The following RAB3GAP2 variants were observed in gnomAD, a reference collection of about 807,000 sequenced individuals.
RAB3GAP2 encodes RAB3 GTPase activating non-catalytic protein subunit 2.
In RAB3GAP2, 87 loss-of-function variants were observed where a neutral mutation model predicts 185.3. The ratio of observed to expected loss-of-function variants is 0.47; its 90% CI spans 0.39 to 0.56. The LOEUF (loss-of-function observed/expected upper bound fraction) is 0.56. RAB3GAP2 is among the 20% of genes least tolerant of loss of function. The probability of loss-of-function intolerance (pLI) is 0.00; values close to 1 mark genes in which losing one functional copy is unlikely to be tolerated. For synonymous variants in RAB3GAP2, 554 were observed against 576.1 expected, an observed-to-expected ratio of 0.96 and a Z score of 0.55; for missense variants, 1,492 against 1,638.2, an observed-to-expected ratio of 0.91 and a Z score of 1.54.
chr1:220,237,887 A>T (rs1218330255), intron 1 of RAB3GAP2, among the ~76,000 whole-genome samples: 11 of 125,792 alleles, frequency 8.7e-5, no homozygotes, highest in African/African-American at 3.8e-4. Flanking sequence ...TAAAAAGTAA[A>T]AAAAAAAAAA....
At chr1:220,153,535 A>C in intron 32 of RAB3GAP2, 129 bp from the exon 33 acceptor site, 4 of 809,702 alleles carry the variant, frequency 4.9e-6, no homozygotes, top group Non-Finnish European at 8.3e-6. Flanking sequence ...TTATCAAAAA[A>C]GGAACACATC....
chr1:220,154,100 T>C (rs1657813343), intron 31 of RAB3GAP2, 43 bp from the exon 32 acceptor site: 1 of 1,608,516 alleles, frequency 6.2e-7, no homozygotes, highest in East Asian at 2.3e-5. Flanking sequence ...TGTGGATTAT[T>C]AAGGGGGGAG....
intron 2 of RAB3GAP2, among the ~76,000 whole-genome samples, chr1:220,221,672 T>C (rs1254246144): frequency 6.6e-6 from 1 of 152,242 alleles, no homozygotes; most frequent in Non-Finnish European, 1.5e-5. Context: ...CAGAAGCCAC[T>C]AATGTGCATT....
chr1:220,271,449 C>A (rs1401195434), intron 1 of RAB3GAP2, among the ~76,000 whole-genome samples: 1 of 152,112 alleles, frequency 6.6e-6, no homozygotes, highest in Non-Finnish European at 1.5e-5. Context: ...AATAAACCAG[C>A]CTTGGAACTT....
chr1:220,195,316 G>A lies in RAB3GAP2; in HGVS notation c.1022C>T (p.Ala341Val), dbSNP rs201774025. 11 of 1,611,430 alleles carry A rather than the reference G, an allele frequency of 6.8e-6. No individual in the cohort carries two copies. The highest frequency in any genetic ancestry group is 9.3e-6 in the Non-Finnish European group (11 of 1,177,544). ...ALAVASKLTSALFNAASGWLG... is the reference protein window; with the variant it reads ...ALAVASKLTSVLFNAASGWLG... ...TAATTACCTGGCAGCATTAAATAAAGCAGAAGTGAGTTTACTTGCAACTGC... is the reference window on the plus strand; with the variant it reads ...TAATTACCTGGCAGCATTAAATAAAACAGAAGTGAGTTTACTTGCAACTGC... The change falls in exon 11 of 35, where the codon GCT (alanine) becomes GTT (valine). Residue 341 changes from alanine (A) to valine (V), a missense_variant. This residue lies in a region of RAB3GAP2 where 243 missense variants were observed against 314.8 expected (regional missense o/e 0.77). Transcript: ENST00000358951.
chr1:220,157,309 A>G lies in RAB3GAP2; in HGVS notation c.3516T>C (p.Ser1172=), dbSNP rs747639396. ...GTGAAAGTGGCTTCACGGTCTTCAG[A>G]GAAAACCTCATGACTGCATACAAGA... ...CSILYAVMRF[S]LKTVKPLSLF... is the part of the protein sequence containing the mutation. Residue 1172 remains serine (S), a synonymous_variant, in exon 31 of 35, where the codon TCT becomes TCC. Transcript: ENST00000358951. The G allele has an allele frequency of 6.2e-7, 1 of 1,614,004 alleles. No individual in the cohort carries two copies. The highest frequency in any genetic ancestry group is 8.5e-7 in the Non-Finnish European group (1 of 1,180,006).
chr1:220,240,016 C>T (rs1250482884), intron 1 of RAB3GAP2, among the ~76,000 whole-genome samples: 1 of 148,396 alleles, frequency 6.7e-6, no homozygotes, highest in Admixed American at 6.7e-5. Context: ...AAGAACACCA[C>T]ATCATTCTTG....
At chr1:220,206,169 C>G (rs1398853064) in intron 7 of RAB3GAP2, among the ~76,000 whole-genome samples, 163 bp from the exon 8 acceptor site, 2 of 152,036 alleles carry the variant, frequency 1.3e-5, no homozygotes, top group African/African-American at 4.8e-5. Flanking sequence ...TTGAGAGTGC[C>G]TTTTTGCCAA....
chr1:220,153,305 G>A lies in RAB3GAP2; in HGVS notation c.3747C>T (p.Asp1249=). 1 of 1,614,162 alleles carries A rather than the reference G, an allele frequency of 6.2e-7. No individual in the cohort carries two copies. The highest frequency in any genetic ancestry group is 8.5e-7 in the Non-Finnish European group (1 of 1,180,006). ...EEATPTPFGK[D]QDWPALAVDL... Reference sequence around the variant, plus strand: ...CCACAGCTAGAGCTGGCCAATCTTGGTCTTTCCCAAAAGGAGTGGGTGTGG... The same window carrying A: ...CCACAGCTAGAGCTGGCCAATCTTGATCTTTCCCAAAAGGAGTGGGTGTGG... Residue 1249 remains aspartate, a synonymous_variant, in exon 33 of 35, where the codon GAC becomes GAT. Transcript: ENST00000358951.
intron 4 of RAB3GAP2, among the ~76,000 whole-genome samples, chr1:220,212,417 A>G (rs1659100605): frequency 6.6e-6 from 1 of 152,228 alleles, no homozygotes; most frequent in Non-Finnish European, 1.5e-5. Flanking sequence ...TGATTGAATC[A>G]TTCTCTACAA....
In RAB3GAP2 at chr1:220,188,546, A is replaced by G. The variant is rs115283653; in HGVS notation, c.1779+1157T>C. Among the ~76,000 whole-genome samples the G allele has an allele frequency of 9.1e-3, 1,380 of 152,294 alleles. 23 individuals carry two copies. Among genetic ancestry groups the G allele is most frequent in the African/African-American group, 0.031 (1,290 of 41,562 alleles). On this transcript the variant is annotated intron_variant, in intron 17 of 34. Coordinates refer to ENST00000358951, the MANE Select transcript of RAB3GAP2 (RefSeq NM_012414.4). ...TGGCAAAAAGTAAAGGTCTGGCAAT[A>G]CCATGGAATATTGAGGCTGTGGAGT...
intron 11 of RAB3GAP2, 41 bp downstream of exon 11, chr1:220,195,257 T>C: frequency 3.8e-6 from 6 of 1,589,004 alleles, no homozygotes; most frequent in Non-Finnish European, 5.2e-6. Context: ...GCAAGCTAGA[T>C]ACAAATGAGA....
intron 27 of RAB3GAP2, among the ~76,000 whole-genome samples, chr1:220,163,291 A>C (rs1355834312): frequency 6.6e-6 from 1 of 152,014 alleles, no homozygotes; most frequent in African/African-American, 2.4e-5. Context: ...CAGGAACCCT[A>C]CTCGATGGGT....
intron 1 of RAB3GAP2, chr1:220,267,724 C>A (rs1247370673): frequency 6.4e-7 from 1 of 1,567,772 alleles, no homozygotes; most frequent in Non-Finnish European, 8.8e-7. Context: ...TGACTGGAGA[C>A]AAGCTTTTGT....
At chr1:220,245,704 C>G (rs539897175) in intron 1 of RAB3GAP2, among the ~76,000 whole-genome samples, 2 of 151,984 alleles carry the variant, frequency 1.3e-5, no homozygotes, top group Non-Finnish European at 2.9e-5. Flanking sequence ...TAGGCTCCAC[C>G]TCTGGGGGCA....
intron 13 of RAB3GAP2, among the ~76,000 whole-genome samples, chr1:220,192,595 C>T (rs1042106590): frequency 2.6e-5 from 4 of 152,170 alleles, no homozygotes; most frequent in Admixed American, 1.3e-4. Context: ...GAAGGGACTT[C>T]GGGGAATATC....
chr1:220,160,013 T>C (rs955934804), intron 28 of RAB3GAP2, among the ~76,000 whole-genome samples: 31 of 149,702 alleles, frequency 2.1e-4, no homozygotes, highest in African/African-American at 7.7e-4. Context: ...TGAGACTCCA[T>C]CCCACTCCTA....
intron 2 of RAB3GAP2, among the ~76,000 whole-genome samples, chr1:220,228,631 C>T (rs1659445663): frequency 1.3e-5 from 2 of 152,304 alleles, no homozygotes; most frequent in African/African-American, 2.4e-5. Context: ...ACTAGATAAC[C>T]TCTGAACTTC....
At chr1:220,213,461 G>GC (rs1659121204) in intron 3 of RAB3GAP2, among the ~76,000 whole-genome samples, 1 of 151,838 alleles carries the variant, frequency 6.6e-6, no homozygotes, top group African/African-American at 2.4e-5. Flanking sequence ...AAAATGCTAT[G>GC]CCCCAAACAG....
Sources: allele counts gnomAD v4.1 joint callset (sites outside exome capture counted in the v4.1 genomes callset), GRCh38; gene constraint gnomAD v4.1.1; regional missense constraint gnomAD v4.1.1; transcripts MANE v1.5; gene names NCBI Gene and HGNC (gene_info 2026-07-23, HGNC 2026-07-21).